Variants in CHD7 observed in about 807,000 individuals in gnomAD.
CHD7 encodes the protein chromodomain helicase DNA binding protein 7.
Under a neutral mutation model 307.3 loss-of-function variants are expected in CHD7, and 24 were observed. The ratio of observed to expected loss-of-function variants is 0.08; its 90% confidence interval spans 0.06 to 0.11. The LOEUF (loss-of-function observed/expected upper bound fraction) is 0.11. Ranked by LOEUF, CHD7 falls within the 10% of genes least tolerant of loss-of-function variation. CHD7 has a pLI of 1.00. For missense variants in CHD7, 3,106 were observed against 3,727.1 expected (o/e 0.83, Z 4.34); for synonymous variants, 1,363 against 1,349.9 (o/e 1.01, Z -0.21).
At chr8:60,862,463 G>C (rs1003725915) in intron 36 of CHD7, 85 bp from the exon 37 acceptor site, 1 of 1,470,018 alleles carries the variant, frequency 6.8e-7, no homozygotes, top group Non-Finnish European at 9.3e-7. Context: ...GTGTATGTGT[G>C]TATTATAGAA....
intron 23 of CHD7, among the ~76,000 whole-genome samples, chr8:60,847,914 A>G (rs1163792286): frequency 6.6e-6 from 1 of 152,076 alleles, no homozygotes; most frequent in Non-Finnish European, 1.5e-5. Flanking sequence ...CTAACATAGT[A>G]TTTCATACAG....
rs186499367 is a variant in CHD7, at chr8:60,820,043, G to T, written c.2650G>T (p.Val884Phe). ...DELFNPDYVE[V>F]DRIMDFARST... ...GCTTTTTAATCCAGATTATGTGGAG[G>T]TTGACCGGATAATGGACTTTGCACG... The change falls in exon 9 of 38, where the codon GTT becomes TTT. Residue 884 changes from valine to phenylalanine, a missense_variant. Transcript: ENST00000423902. The T allele has an allele frequency of 6.2e-7, 1 of 1,611,174 alleles. No individual in the cohort carries two copies. The highest frequency in any genetic ancestry group is 1.3e-5 in the African/African-American group (1 of 74,856).
In CHD7 at chr8:60,841,929, T is replaced by G. The variant is rs1804992639; in HGVS notation, c.4727T>G (p.Phe1576Cys). The change falls in exon 21 of 38, where the codon TTC (phenylalanine) becomes TGC (cysteine). Residue 1576 changes from phenylalanine (F) to cysteine (C), a missense_variant. Coordinates refer to ENST00000423902, the MANE Select transcript of CHD7 (RefSeq NM_017780.4). The stretch of plus-strand genomic sequence containing the variant: ...GTGAAGGAAGATGAGCTGATGGAGT[T>G]CTCAGACTTGGAAAGTGATTCTGAA... ...SAVKEDELME[F>C]SDLESDSEEK... 2.5e-5 allele frequency: 41 copies of G among 1,612,212 alleles called. No individual in the cohort carries two copies. The highest frequency in any genetic ancestry group is 3.5e-5 in the Non-Finnish European group (41 of 1,179,040).
rs563322325 is a variant in CHD7 at position 60,835,979 on chromosome 8, C to G, written c.3779-94C>G. 1.2e-5 allele frequency: 10 copies of G among 860,578 alleles called. No homozygotes were observed. The African/African-American group carries it at 1.7e-4, about 14-fold the overall frequency. 53.3% of individuals were successfully genotyped at this position (860,578 alleles called of 1,614,324 possible). A position where few individuals can be genotyped will look rare whatever the true frequency, so the allele number is the denominator to read the frequency against. ...TAAGCAGGAGTTTGGTGTTCTGGTT[C>G]CTACAGTTTGCAATGGGTTTTGAAA... On this transcript the variant is annotated intron_variant, in intron 15 of 37. Coordinates refer to ENST00000423902, the MANE Select transcript of CHD7 (RefSeq NM_017780.4).
chr8:60,772,186 G>T (rs752686750), intron 2 of CHD7, among the ~76,000 whole-genome samples: 2 of 152,148 alleles, frequency 1.3e-5, no homozygotes, highest in Non-Finnish European at 2.9e-5. Context: ...AACTTGCCTA[G>T]AGTGTGTAAA....
intron 6 of CHD7, among the ~76,000 whole-genome samples, chr8:60,803,176 A>T (rs778880138): frequency 6.6e-6 from 1 of 152,226 alleles, no homozygotes; most frequent in Non-Finnish European, 1.5e-5. Flanking sequence ...AATACTTGAC[A>T]TGCTTTGAAG....
At chr8:60,698,926 A>G (rs974279798) in intron 1 of CHD7, among the ~76,000 whole-genome samples, 4 of 152,280 alleles carry the variant, frequency 2.6e-5, no homozygotes, top group East Asian at 3.9e-4. Flanking sequence ...AGCTGGGACT[A>G]CAGGCACATA....
At chr8:60,751,733 G>A (rs1809650979) in intron 2 of CHD7, among the ~76,000 whole-genome samples, 1 of 152,206 alleles carries the variant, frequency 6.6e-6, no homozygotes, top group Non-Finnish European at 1.5e-5. Flanking sequence ...GTAAAAAATG[G>A]AGGAGAACCT....
intron 3 of CHD7, among the ~76,000 whole-genome samples, chr8:60,782,698 T>C (rs1042615602): frequency 6.6e-6 from 1 of 152,200 alleles, no homozygotes; most frequent in Non-Finnish European, 1.5e-5. Flanking sequence ...TCTCCCCCTC[T>C]TTGTGAACAT....
intron 21 of CHD7, among the ~76,000 whole-genome samples, chr8:60,844,119 C>G (rs574668027): frequency 6.6e-6 from 1 of 152,300 alleles, no homozygotes; most frequent in South Asian, 2.1e-4. Flanking sequence ...GCCCCCGTAC[C>G]TATTTGTTGT....
intron 1 of CHD7, among the ~76,000 whole-genome samples, chr8:60,720,709 A>G (rs146352282): frequency 6.6e-6 from 1 of 152,310 alleles, no homozygotes; most frequent in Non-Finnish European, 1.5e-5. Context: ...GATTATTCCC[A>G]TTGCTGCCGC....
At position 60,816,445 on chromosome 8, in the gene CHD7, C is replaced by G. The variant is rs1803754368; in HGVS notation, c.2557C>G (p.Gln853Glu). 6.2e-7 allele frequency: 1 copy of G among 1,610,546 alleles called. No individual in the cohort carries two copies. Among genetic ancestry groups the G allele is most frequent in the South Asian group, 1.1e-5 (1 of 90,122 alleles). ...IEDLEKDKRIQQKIKRFKAKQ... is the reference protein window; with the variant it reads ...IEDLEKDKRIEQKIKRFKAKQ... ...AGATCTGGAAAAAGATAAGAGAATT[C>G]AGCAAAAAATTAAACGATTTAAGGC... is the stretch of plus-strand genomic sequence containing the variant. The change falls in exon 8 of 38, where the codon CAG becomes GAG. Residue 853 changes from glutamine to glutamate, a missense_variant. Physicochemically the swap from Gln to Glu is conservative, Grantham distance 29. Coordinates refer to ENST00000423902, the MANE Select transcript of CHD7 (RefSeq NM_017780.4).
At chr8:60,730,253 G>A (rs1808373383) in intron 1 of CHD7, among the ~76,000 whole-genome samples, 2 of 152,340 alleles carry the variant, frequency 1.3e-5, no homozygotes, top group East Asian at 3.9e-4. Context: ...GGGGAATAAG[G>A]AGAGAGGCCA....
chr8:60,820,829 T>C lies in CHD7; in HGVS notation c.2697+739T>C, dbSNP rs141045660. 1.4e-3 allele frequency among the ~76,000 whole-genome samples: 209 copies of C among 152,328 alleles called. 1 individual carries two copies. Among genetic ancestry groups the C allele is most frequent in the Non-Finnish European group, 2.7e-3 (184 of 68,026 alleles). ...ACACTCTATGATGTTTCCAAGACCA[T>C]ATCTGTAACATGATCTTTACTTTTC... On this transcript the variant is annotated intron_variant, in intron 9 of 37. Transcript: ENST00000423902.
chr8:60,807,706 G>T (rs1021716958), intron 6 of CHD7, among the ~76,000 whole-genome samples: 2 of 152,146 alleles, frequency 1.3e-5, no homozygotes, highest in African/African-American at 4.8e-5. Context: ...ATAAGAACAA[G>T]GTTTACTTTT....
chr8:60,858,237 CAG>C (rs1805802932), intron 34 of CHD7, among the ~76,000 whole-genome samples: 1 of 152,156 alleles, frequency 6.6e-6, no homozygotes, highest in Non-Finnish European at 1.5e-5. Flanking sequence ...GCCTGGGTGA[CAG>C]AGTGAGACTC....
chr8:60,862,510 A>G (rs1256018506), intron 36 of CHD7, 38 bp from the exon 37 acceptor site: 2 of 1,528,548 alleles, frequency 1.3e-6, no homozygotes, highest in South Asian at 1.2e-5. Context: ...GGGAGGGAAG[A>G]CTGTGTTTTT....
At chr8:60,699,370 C>A (rs1308701562) in intron 1 of CHD7, among the ~76,000 whole-genome samples, 1 of 152,084 alleles carries the variant, frequency 6.6e-6, no homozygotes, top group East Asian at 1.9e-4. Context: ...GGTGATATAA[C>A]CCAATATCTT....
At chr8:60,767,385 A>C (rs184813398) in intron 2 of CHD7, among the ~76,000 whole-genome samples, 54 of 152,310 alleles carry the variant, frequency 3.5e-4, no homozygotes, top group African/African-American at 1.3e-3. Flanking sequence ...ACAAATTCAA[A>C]AGTAGGTTGG....
Sources: gnomAD v4.1 joint callset for allele counts (sites outside exome capture counted in the v4.1 genomes callset) on GRCh38, gnomAD v4.1.1 for gene constraint, MANE v1.5 for transcripts, NCBI Gene and HGNC (gene_info 2026-07-23, HGNC 2026-07-21) for gene names.